LUC7L2: variants seen among roughly 807,000 people sequenced by gnomAD.
The protein encoded by LUC7L2 is putative RNA-binding protein Luc7-like 2.
In LUC7L2, 25 loss-of-function variants were observed where a neutral mutation model predicts 52.8. That is an observed-to-expected ratio of 0.47 (90% confidence interval 0.34 to 0.66). LUC7L2 has a LOEUF of 0.66. Among genes scored for constraint, LUC7L2 ranks in the 30% least tolerant of loss-of-function variants. The pLI, the probability that LUC7L2 is intolerant of heterozygous loss-of-function variation, is 0.01. For missense variants in LUC7L2, 328 were observed against 497.8 expected, an observed-to-expected ratio of 0.66 and a Z score of 3.25; for synonymous variants, 144 against 160.9, an observed-to-expected ratio of 0.89 and a Z score of 0.80.
intron 1 of LUC7L2, chr7:139,346,312 A>C (rs947194273): frequency 6.6e-6 from 1 of 152,212 alleles, no homozygotes; most frequent in Non-Finnish European, 1.5e-5. Flanking sequence ...AAAATAAAAG[A>C]AACCCTCTTT....
intron 2 of LUC7L2, among the ~76,000 whole-genome samples, chr7:139,385,123 A>G (rs974557364): frequency 2.6e-5 from 4 of 152,128 alleles, no homozygotes; most frequent in Admixed American, 2.0e-4. Context: ...GTACAGATAT[A>G]CGTTCATATG....
At chr7:139,365,002 C>T (rs1800082327) in intron 1 of LUC7L2, among the ~76,000 whole-genome samples, 2 of 152,190 alleles carry the variant, frequency 1.3e-5, no homozygotes, top group Admixed American at 6.5e-5. Flanking sequence ...CAGGATATTT[C>T]TTAGTCTAGA....
chr7:139,413,635 G>T (rs1198691292), intron 8 of LUC7L2, among the ~76,000 whole-genome samples: 1 of 152,100 alleles, frequency 6.6e-6, no homozygotes. Flanking sequence ...AAAATTAGCC[G>T]GGTGTGGTGG....
chr7:139,341,169 A>C, intron 1 of LUC7L2: 1 of 683,162 alleles, frequency 1.5e-6, no homozygotes, highest in Non-Finnish European at 2.2e-6. Context: ...TGGTACCTTC[A>C]GTTAACAGTC....
chr7:139,382,351 A>G (rs1389297659), intron 2 of LUC7L2, among the ~76,000 whole-genome samples: 10 of 152,062 alleles, frequency 6.6e-5, no homozygotes, highest in African/African-American at 2.2e-4. Context: ...CGTAGTCAAT[A>G]TTATTGGGGA....
chr7:139,404,828 A>G (rs1795051535), intron 4 of LUC7L2, among the ~76,000 whole-genome samples: 1 of 152,202 alleles, frequency 6.6e-6, no homozygotes, highest in South Asian at 2.1e-4. Flanking sequence ...ACTTTGTGGG[A>G]TAGGTACTTC....
intron 6 of LUC7L2, among the ~76,000 whole-genome samples, chr7:139,408,829 G>A (rs184463327): frequency 0.01 from 1,447 of 140,020 alleles, 30 homozygotes; most frequent in African/African-American, 0.038. Context: ...GCGACAGAGC[G>A]AGACTCTGTC....
chr7:139,373,513 G>A (rs1302976875), intron 1 of LUC7L2, among the ~76,000 whole-genome samples: 1 of 152,016 alleles, frequency 6.6e-6, no homozygotes, highest in African/African-American at 2.4e-5. Context: ...ATTTTAAAAT[G>A]TTTTTTGGCA....
At chr7:139,342,104 A>G (rs1326172414) in intron 1 of LUC7L2, among the ~76,000 whole-genome samples, 1 of 152,146 alleles carries the variant, frequency 6.6e-6, no homozygotes, top group African/African-American at 2.4e-5. Context: ...TTAGAACTCA[A>G]ATTCACCTAG....
chr7:139,385,141 C>A (rs970466698), intron 2 of LUC7L2, among the ~76,000 whole-genome samples: 3 of 151,884 alleles, frequency 2.0e-5, no homozygotes, highest in Admixed American at 2.0e-4. Context: ...ATGGGTATGG[C>A]GGACTGTAGT....
chr7:139,411,363 C>T (rs1795353501), intron 7 of LUC7L2, among the ~76,000 whole-genome samples: 1 of 152,040 alleles, frequency 6.6e-6, no homozygotes, highest in South Asian at 2.1e-4. Flanking sequence ...AGAAAAAAAT[C>T]ATAATCATTT....
chr7:139,367,385 A>G (rs1016556848), intron 1 of LUC7L2, among the ~76,000 whole-genome samples: 3 of 152,250 alleles, frequency 2.0e-5, no homozygotes, highest in East Asian at 1.9e-4. Flanking sequence ...CACCATAAAA[A>G]TAAATACAAT....
intron 1 of LUC7L2, among the ~76,000 whole-genome samples, chr7:139,350,794 G>T (rs1799430935): frequency 6.6e-6 from 1 of 151,522 alleles, no homozygotes; most frequent in Non-Finnish European, 1.5e-5. Context: ...TCCTGCCTCA[G>T]CCTCCTGAGT....
intron 7 of LUC7L2, among the ~76,000 whole-genome samples, chr7:139,410,591 TTTAAC>T (rs1795318826): frequency 6.6e-6 from 1 of 152,216 alleles, no homozygotes; most frequent in African/African-American, 2.4e-5. Flanking sequence ...AACTCATCTT[TTTAAC>T]TTCAGCAGCT....
chr7:139,407,498 A>G (rs1569391472), intron 6 of LUC7L2, 148 bp downstream of exon 6: 6 of 1,000,298 alleles, frequency 6.0e-6, no homozygotes, highest in Admixed American at 4.1e-5. Flanking sequence ...TGGAAATTCA[A>G]GTTGGTTTAA....
chr7:139,393,020 A>G (rs1312338592), intron 2 of LUC7L2, among the ~76,000 whole-genome samples: 1 of 151,268 alleles, frequency 6.6e-6, no homozygotes, highest in Non-Finnish European at 1.5e-5. Flanking sequence ...TAATCCCAGC[A>G]CTTTGGGAGG....
intron 1 of LUC7L2, among the ~76,000 whole-genome samples, chr7:139,350,561 C>T (rs1799421809): frequency 6.6e-6 from 1 of 152,068 alleles, no homozygotes; most frequent in Admixed American, 6.6e-5. Flanking sequence ...TACAGATGAC[C>T]TTCAGGACAC....
At position 139,361,503 on chromosome 7, in the gene LUC7L2, C is replaced by T. The variant is rs576054054; in HGVS notation, c.61+1181C>T. Among the ~76,000 whole-genome samples the T allele has an allele frequency of 1.7e-3, 264 of 152,250 alleles. 3 individuals carry two copies. Among genetic ancestry groups the T allele is most frequent in the African/African-American group, 6.2e-3 (256 of 41,556 alleles). ...AATCTTTCAGCAGTGCGTAGAGTGG[C>T]TTTTCAGTGTTCACATTTTCAGTTT... On this transcript the variant is annotated intron_variant, in intron 1 of 9. Transcript: ENST00000354926.
intron 4 of LUC7L2, among the ~76,000 whole-genome samples, chr7:139,405,329 T>TA (rs1200011674): frequency 1.3e-5 from 2 of 151,664 alleles, no homozygotes; most frequent in African/African-American, 4.8e-5. Flanking sequence ...GGTGGGGGAG[T>TA]AGCAAGAGAT....
Sources: gnomAD v4.1 joint callset for allele counts (sites outside exome capture counted in the v4.1 genomes callset) on GRCh38, gnomAD v4.1.1 for gene constraint, MANE v1.5 for transcripts, NCBI Gene and HGNC (gene_info 2026-07-23, HGNC 2026-07-21) for gene names.